The following CADM2 variants were observed in gnomAD, a reference collection of about 807,000 sequenced individuals.
CADM2 encodes the protein cell adhesion molecule 2.
In CADM2, 12 loss-of-function variants were observed where a neutral mutation model predicts 49.8. The observed-to-expected ratio is 0.24, with a 90% CI of 0.15 to 0.39. CADM2 has a LOEUF of 0.39. Ranked by LOEUF, CADM2 falls within the 10% of genes least tolerant of loss-of-function variation. The probability of loss-of-function intolerance (pLI) is 1.00; values close to 1 mark genes in which losing one functional copy is unlikely to be tolerated. For missense variants in CADM2, 378 were observed against 492.3 expected (o/e 0.77, Z 2.20); for synonymous variants, 214 against 175.4 (o/e 1.22, Z -1.74).
chr3:85,659,105 C>T (rs973790686), intron 1 of CADM2, among the ~76,000 whole-genome samples: 2 of 130,232 alleles, frequency 1.5e-5, no homozygotes, highest in Non-Finnish European at 1.7e-5. Flanking sequence ...TTTTAAAACT[C>T]TACTGAAGCC....
At chr3:85,651,147 G>C (rs2065031559) in intron 1 of CADM2, among the ~76,000 whole-genome samples, 1 of 151,944 alleles carries the variant, frequency 6.6e-6, no homozygotes, top group Non-Finnish European at 1.5e-5. Flanking sequence ...GCCATAGCTT[G>C]AGTGTAGAAT....
At chr3:85,928,889 CA>C (rs1362789298) in intron 6 of CADM2, among the ~76,000 whole-genome samples, 1 of 151,914 alleles carries the variant, frequency 6.6e-6, no homozygotes, top group Non-Finnish European at 1.5e-5. Flanking sequence ...TTTGAGTGCT[CA>C]AAATGTGGAT....
At chr3:85,258,828 A>G (rs972486131) in intron 1 of CADM2, among the ~76,000 whole-genome samples, 1 of 152,118 alleles carries the variant, frequency 6.6e-6, no homozygotes, top group African/African-American at 2.4e-5. Flanking sequence ...GCATATATAT[A>G]TGTGTGCAAA....
intron 1 of CADM2, among the ~76,000 whole-genome samples, chr3:85,553,560 A>G (rs555203267): frequency 1.3e-5 from 2 of 152,214 alleles, no homozygotes; most frequent in Non-Finnish European, 2.9e-5. Context: ...AAATACATTT[A>G]AAAAAACTTC....
intron 1 of CADM2, among the ~76,000 whole-genome samples, chr3:85,286,001 G>A (rs899513880): frequency 2.0e-5 from 3 of 152,156 alleles, no homozygotes; most frequent in Admixed American, 6.6e-5. Context: ...AATGAAAGGC[G>A]CAAATGACTT....
intron 1 of CADM2, among the ~76,000 whole-genome samples, chr3:85,127,664 A>T (rs1413147047): frequency 1.3e-5 from 2 of 152,026 alleles, no homozygotes; most frequent in African/African-American, 4.8e-5. Context: ...CATGGCTTCT[A>T]TTTTTCTCTT....
At chr3:85,352,962 G>T (rs945918724) in intron 1 of CADM2, among the ~76,000 whole-genome samples, 1 of 152,052 alleles carries the variant, frequency 6.6e-6, no homozygotes, top group Non-Finnish European at 1.5e-5. Context: ...TCCTTAAGTA[G>T]AAGTTTTCAA....
At chr3:85,564,593 A>T (rs539487260) in intron 1 of CADM2, among the ~76,000 whole-genome samples, 1 of 152,140 alleles carries the variant, frequency 6.6e-6, no homozygotes, top group Non-Finnish European at 1.5e-5. Flanking sequence ...TTTATGTTCT[A>T]GGCATAAAAT....
chr3:86,043,025 A>C (rs961313140), intron 8 of CADM2, among the ~76,000 whole-genome samples: 7 of 152,220 alleles, frequency 4.6e-5, no homozygotes, highest in Non-Finnish European at 8.8e-5. Context: ...GATAAAATTC[A>C]ACAGCCCTTC....
chr3:85,213,966 C>T (rs1018156010), intron 1 of CADM2, among the ~76,000 whole-genome samples: 3 of 152,100 alleles, frequency 2.0e-5, no homozygotes, highest in African/African-American at 7.2e-5. Context: ...AATCTGAATT[C>T]CTTCTCTGTG....
At chr3:86,007,426 T>TA (rs1313045820) in intron 8 of CADM2, among the ~76,000 whole-genome samples, 2 of 152,186 alleles carry the variant, frequency 1.3e-5, no homozygotes, top group African/African-American at 4.8e-5. Flanking sequence ...CACATTCTAA[T>TA]AATCTGTGCA....
At chr3:85,907,646 C>T (rs1299757468) in intron 5 of CADM2, among the ~76,000 whole-genome samples, 1 of 152,090 alleles carries the variant, frequency 6.6e-6, no homozygotes, top group Non-Finnish European at 1.5e-5. Flanking sequence ...CACGGTGGCT[C>T]ACACCTATAA....
intron 8 of CADM2, among the ~76,000 whole-genome samples, chr3:86,037,782 A>C (rs1240790527): frequency 6.6e-6 from 1 of 152,184 alleles, no homozygotes; most frequent in Admixed American, 6.5e-5. Context: ...ACTATTAGAA[A>C]ATATTAACTT....
intron 1 of CADM2, among the ~76,000 whole-genome samples, chr3:85,005,377 G>A (rs916621595): frequency 1.3e-5 from 2 of 152,076 alleles, no homozygotes; most frequent in African/African-American, 4.8e-5. Context: ...ATGGCTAATG[G>A]AATTAAAACT....
intron 1 of CADM2, among the ~76,000 whole-genome samples, chr3:85,179,696 G>A (rs1051861565): frequency 1.3e-5 from 2 of 152,026 alleles, no homozygotes; most frequent in African/African-American, 4.8e-5. Flanking sequence ...ATGGTTTTTG[G>A]ATAGATTTTT....
chr3:86,035,094 G>A (rs934297012), intron 8 of CADM2, among the ~76,000 whole-genome samples: 3 of 151,968 alleles, frequency 2.0e-5, no homozygotes, highest in Non-Finnish European at 2.9e-5. Flanking sequence ...GTAAAATCCA[G>A]ACAATAAAAT....
chr3:85,861,863 A>G (rs1194442586), intron 3 of CADM2, among the ~76,000 whole-genome samples: 1 of 152,064 alleles, frequency 6.6e-6, no homozygotes, highest in African/African-American at 2.4e-5. Context: ...AGCTAATAAT[A>G]TCATAAATTA....
At chr3:85,653,514 C>CT (rs959314018) in intron 1 of CADM2, among the ~76,000 whole-genome samples, 4 of 151,560 alleles carry the variant, frequency 2.6e-5, no homozygotes, top group Admixed American at 1.3e-4. Context: ...ATGGTGATTG[C>CT]TTTTTTCTGA....
chr3:85,505,035 C>A (rs1182392687), intron 1 of CADM2, among the ~76,000 whole-genome samples: 1 of 152,122 alleles, frequency 6.6e-6, no homozygotes, highest in Non-Finnish European at 1.5e-5. Flanking sequence ...CGCGCGCAGC[C>A]CCGGTTCCCG....
Sources: allele counts gnomAD v4.1 joint callset (sites outside exome capture counted in the v4.1 genomes callset), GRCh38; gene constraint gnomAD v4.1.1; transcripts MANE v1.5; gene names NCBI Gene and HGNC (gene_info 2026-07-23, HGNC 2026-07-21).